The following FNDC7 variants were observed in gnomAD, a reference collection of about 807,000 sequenced individuals.
The protein encoded by FNDC7 is fibronectin type III domain containing 7, also known as fibronectin type III domain-containing protein 7.
Under a neutral mutation model 74.2 loss-of-function variants are expected in FNDC7, and 66 were observed. The ratio of observed to expected loss-of-function variants is 0.89; its 90% confidence interval spans 0.73 to 1.09. The LOEUF (loss-of-function observed/expected upper bound fraction) is 1.09, where lower values mean the gene tolerates loss of function less well. Among genes scored for constraint, FNDC7 ranks in the 50% least tolerant of loss-of-function variants. The probability of loss-of-function intolerance (pLI) is 0.00; values close to 1 mark genes in which losing one functional copy is unlikely to be tolerated. For synonymous variants in FNDC7, 307 were observed against 330.2 expected (o/e 0.93, Z 0.76); for missense variants, 829 against 893.4 (o/e 0.93, Z 0.92).
chr1:108,730,609 C>A, intron 8 of FNDC7, 65 bp from the exon 9 acceptor site: 2 of 1,476,380 alleles, frequency 1.4e-6, no homozygotes, highest in South Asian at 1.4e-5. Flanking sequence ...CATTCTTTAT[C>A]ATTTTTCACA....
At chr1:108,726,111 G>C in intron 6 of FNDC7, 107 bp downstream of exon 6, 1 of 1,378,616 alleles carries the variant, frequency 7.3e-7, no homozygotes, top group East Asian at 2.3e-5. Flanking sequence ...AGTCATTCTA[G>C]AGCCAAGAAC....
At chr1:108,717,412 T>C (rs914807) in intron 2 of FNDC7, among the ~76,000 whole-genome samples, 121,464 of 152,116 alleles carry the variant, frequency 0.8, 51,022 homozygotes, top group Non-Finnish European at 0.92. Context: ...GAATGCCCAA[T>C]TGGAGTAGAA....
Position 108,722,596 on chromosome 1 carries a change from T to C in FNDC7, c.856+4T>C, listed in dbSNP as rs1661118564. The stretch of plus-strand genomic sequence containing the variant: ...TCAGCAATGACCCTGAAAACTGGTA[T>C]GTAAACAAGAGTGAGACTGCTGTCG... On this transcript the variant is annotated splice_donor_region_variant and intron_variant, in intron 5 of 12. Coordinates refer to ENST00000370017, the MANE Select transcript of FNDC7 (RefSeq NM_001144937.3). 12 of 1,609,916 alleles carry C rather than the reference T, an allele frequency of 7.5e-6. No individual in the cohort carries two copies. The highest frequency in any genetic ancestry group is 2.2e-5 in the South Asian group (2 of 90,584).
At position 108,718,982 on chromosome 1, in the gene FNDC7, C is replaced by G; in HGVS notation, c.531C>G (p.Thr177=). The G allele has an allele frequency of 1.3e-6, 2 of 1,552,054 alleles. No homozygotes were observed. Reference sequence around the variant, plus strand: ...GTTTAGAAGCCGGAACTCTCTACACCATAAAGGCCTATGCATGGAATGCCA... The same window carrying G: ...GTTTAGAAGCCGGAACTCTCTACACGATAAAGGCCTATGCATGGAATGCCA... ...FTSLEAGTLY[T]IKAYAWNANR... is the part of the protein sequence containing the mutation. Residue 177 remains threonine (T), a synonymous_variant, in exon 4 of 13, where the codon ACC becomes ACG. Coordinates refer to ENST00000370017, the MANE Select transcript of FNDC7 (RefSeq NM_001144937.3).
intron 6 of FNDC7, 41 bp from the exon 7 acceptor site, chr1:108,727,767 T>A (rs781696553): frequency 6.2e-7 from 1 of 1,606,754 alleles, no homozygotes; most frequent in Non-Finnish European, 8.5e-7. Flanking sequence ...GCTGCATTGC[T>A]CTTGATGGGA....
At chr1:108,739,317 C>T (rs1229682863) in intron 11 of FNDC7, among the ~76,000 whole-genome samples, 2 of 151,986 alleles carry the variant, frequency 1.3e-5, no homozygotes, top group African/African-American at 4.8e-5. Context: ...GCCAACAAAA[C>T]GAGACCTTGT....
chr1:108,735,583 A>C (rs947967726), intron 10 of FNDC7, among the ~76,000 whole-genome samples: 5 of 152,254 alleles, frequency 3.3e-5, no homozygotes, highest in African/African-American at 1.2e-4. Flanking sequence ...AATTAATTTC[A>C]TAATATATTT....
At position 108,738,094 on chromosome 1, in the gene FNDC7, C is replaced by T. The variant is rs1021461944; in HGVS notation, c.2170+570C>T. 1.1e-4 allele frequency among the ~76,000 whole-genome samples: 16 copies of T among 152,186 alleles called. 1 individual carries two copies. The highest frequency in any genetic ancestry group is 4.1e-4 in the South Asian group (2 of 4,832). Reference sequence around the variant, plus strand: ...TCGGTGTAGGAAGTGTCTGAGACTCCGTATTTCCATAAGGTCCAGGTGATG... The same window carrying T: ...TCGGTGTAGGAAGTGTCTGAGACTCTGTATTTCCATAAGGTCCAGGTGATG... On this transcript the variant is annotated intron_variant, in intron 11 of 12. Coordinates refer to ENST00000370017, the MANE Select transcript of FNDC7 (RefSeq NM_001144937.3).
In FNDC7 at chr1:108,730,714, C is replaced by G; in HGVS notation, c.1665C>G (p.Thr555=). ...CCGGTCTGACAGTAACTCAAATCACCCAGTCAGTAATCAACGTGAGCTGGA... is the reference window on the plus strand; with the variant it reads ...CCGGTCTGACAGTAACTCAAATCACGCAGTCAGTAATCAACGTGAGCTGGA... ...CPTGLTVTQI[T]QSVINVSWTI... is the part of the protein sequence containing the mutation. Residue 555 remains threonine (T), a synonymous_variant, in exon 9 of 13, where the codon ACC becomes ACG. Coordinates refer to ENST00000370017, the MANE Select transcript of FNDC7 (RefSeq NM_001144937.3). 7 of 1,602,988 alleles carry G rather than the reference C, an allele frequency of 4.4e-6. No homozygotes were observed. Among genetic ancestry groups the G allele is most frequent in the Non-Finnish European group, 6.0e-6 (7 of 1,172,878 alleles).
intron 11 of FNDC7, among the ~76,000 whole-genome samples, chr1:108,740,318 CTTTTTTTTTTTTT>C (rs567191029): frequency 1.5e-5 from 1 of 68,864 alleles, no homozygotes; most frequent in Non-Finnish European, 2.6e-5. Context: ...GCTTTTCAAA[CTTTTTTTTTTTTT>C]TTTTTTTTTT....
At chr1:108,715,613 A>G (rs1660953676) in intron 2 of FNDC7, among the ~76,000 whole-genome samples, 1 of 152,004 alleles carries the variant, frequency 6.6e-6, no homozygotes, top group African/African-American at 2.4e-5. Flanking sequence ...GCTTTTCCGA[A>G]CCCATCAAAA....
intron 5 of FNDC7, among the ~76,000 whole-genome samples, chr1:108,725,096 T>C (rs1661180079): frequency 6.6e-6 from 1 of 151,696 alleles, no homozygotes; most frequent in Non-Finnish European, 1.5e-5. Flanking sequence ...AAATAATAAA[T>C]AAAATAAAAA....
At chr1:108,738,080 A>G (rs539124477) in intron 11 of FNDC7, among the ~76,000 whole-genome samples, 5 of 152,310 alleles carry the variant, frequency 3.3e-5, no homozygotes, top group African/African-American at 9.6e-5. Flanking sequence ...CGGTGTAGGA[A>G]GTGTCTGAGA....
intron 2 of FNDC7, among the ~76,000 whole-genome samples, chr1:108,715,660 C>CGT (rs1660955100): frequency 1.4e-5 from 1 of 70,624 alleles, no homozygotes; most frequent in African/African-American, 3.6e-5. Context: ...CATGCGCGTG[C>CGT]GTGCGCGCGC....
intron 7 of FNDC7, 138 bp downstream of exon 7, chr1:108,728,203 C>A: frequency 8.9e-7 from 1 of 1,126,594 alleles, no homozygotes; most frequent in African/African-American, 1.6e-5. Flanking sequence ...AGAGAGCCCC[C>A]GTTGTACGAA....
In FNDC7 at chr1:108,727,818, T is replaced by C. The variant is rs371250835; in HGVS notation, c.1122T>C (p.Cys374=). Reference sequence around the variant, plus strand: ...TGCTCCTGCTTTCAGCTCCCTGTTGTCCTAGTGACATTAACCCCGTGTTGG... The same window carrying C: ...TGCTCCTGCTTTCAGCTCCCTGTTGCCCTAGTGACATTAACCCCGTGTTGG... The part of the protein sequence containing the change: ...DIFNYTTAPC[C]PSDINPVLVS... Residue 374 remains cysteine (C), a synonymous_variant, in exon 7 of 13, where the codon TGT becomes TGC. Coordinates refer to ENST00000370017, the MANE Select transcript of FNDC7 (RefSeq NM_001144937.3). The C allele has an allele frequency of 7.6e-5, 123 of 1,614,008 alleles. No individual in the cohort carries two copies. The highest frequency in any genetic ancestry group is 9.5e-5 in the Non-Finnish European group (112 of 1,180,018).
intron 2 of FNDC7, among the ~76,000 whole-genome samples, 157 bp from the exon 3 acceptor site, chr1:108,717,620 T>C (rs768271475): frequency 6.6e-6 from 1 of 152,136 alleles, no homozygotes. Flanking sequence ...AGTAGCTTTG[T>C]CTTTCTTTTT....
intron 11 of FNDC7, among the ~76,000 whole-genome samples, chr1:108,739,146 A>G (rs1661583430): frequency 6.6e-6 from 1 of 152,246 alleles, no homozygotes; most frequent in Admixed American, 6.5e-5. Flanking sequence ...GTAAAAAAAA[A>G]AATTTAAAAA....
chr1:108,718,961 A>G lies in FNDC7; in HGVS notation c.510A>G (p.Leu170=), dbSNP rs1661035784. 1.3e-6 allele frequency: 2 copies of G among 1,551,936 alleles called. No individual in the cohort carries two copies. Among genetic ancestry groups the G allele is most frequent in the Admixed American group, 3.9e-5 (2 of 51,012 alleles). ...ACACCTCCTTGACATTCACCAGTTT[A>G]GAAGCCGGAACTCTCTACACCATAA... ...TTNTSLTFTS[L]EAGTLYTIKA... is the part of the protein sequence containing the mutation. Residue 170 remains leucine, a synonymous_variant, in exon 4 of 13, where the codon TTA becomes TTG. Transcript: ENST00000370017.
Sources: allele counts gnomAD v4.1 joint callset (sites outside exome capture counted in the v4.1 genomes callset), GRCh38; gene constraint gnomAD v4.1.1; transcripts MANE v1.5; gene names NCBI Gene and HGNC (gene_info 2026-07-23, HGNC 2026-07-21).